Variants in ATG2B observed in about 807,000 individuals in gnomAD.
ATG2B encodes autophagy-related protein 2 homolog B.
A neutral mutation model predicts 241.3 loss-of-function variants in ATG2B; 121 were observed. The observed-to-expected ratio is 0.50, with a 90% confidence interval of 0.43 to 0.58. ATG2B has a LOEUF of 0.58. Among genes scored for constraint, ATG2B ranks in the 20% least tolerant of loss-of-function variants. ATG2B has a pLI of 0.00. For missense variants in ATG2B, 2,306 were observed against 2,491.6 expected, an observed-to-expected ratio of 0.93 and a Z score of 1.59; for synonymous variants, 858 against 876.6, an observed-to-expected ratio of 0.98 and a Z score of 0.37.
chr14:96,341,884 G>C (rs1033348772), intron 5 of ATG2B, among the ~76,000 whole-genome samples, 183 bp from the exon 6 acceptor site: 4 of 152,086 alleles, frequency 2.6e-5, no homozygotes, highest in African/African-American at 9.7e-5. Context: ...TGTTAGCACA[G>C]TCCACTGGTA....
chr14:96,309,569 G>A lies in ATG2B; in HGVS notation c.4187C>T (p.Ser1396Leu), dbSNP rs980355767. The change falls in exon 29 of 42, where the codon TCA (serine) becomes TTA (leucine). Residue 1396 changes from serine (S) to leucine (L), a missense_variant. Ser to Leu is a moderately radical substitution (Grantham distance 145). Transcript: ENST00000359933. ...TGCTTCAGGAAGTACTGGACCACGT[G>A]AGGATGATCGACCACTGGAATCTAC... is the stretch of plus-strand genomic sequence containing the variant. ...SKVDSSGRSS[S>L]RGPVLPEADQ... is the part of the protein sequence containing the mutation. 1.2e-6 allele frequency: 2 copies of A among 1,613,528 alleles called. No individual in the cohort carries two copies. Among genetic ancestry groups the A allele is most frequent in the Non-Finnish European group, 1.7e-6 (2 of 1,179,742 alleles).
At chr14:96,287,704 T>C (rs1485067682) in intron 41 of ATG2B, among the ~76,000 whole-genome samples, 2 of 152,160 alleles carry the variant, frequency 1.3e-5, no homozygotes, top group Admixed American at 6.5e-5. Flanking sequence ...TACCACCAAA[T>C]AGAACTATGT....
chr14:96,341,706 A>G lies in ATG2B; in HGVS notation c.745-5T>C. 1.3e-6 allele frequency: 2 copies of G among 1,522,520 alleles called. No individual in the cohort carries two copies. The highest frequency in any genetic ancestry group is 1.8e-6 in the Non-Finnish European group (2 of 1,134,668). 94.3% of individuals were successfully genotyped at this position (1,522,520 alleles called of 1,614,324 possible). A position where few individuals can be genotyped will look rare whatever the true frequency, so the allele number is the denominator to read the frequency against. ...TGAGAGCTTTGGCTCAGTTTCCTAC[A>G]ATAAAGTGACAAAAATAATTATTTA... On this transcript the variant is annotated splice_region_variant and splice_polypyrimidine_tract_variant and intron_variant, in intron 5 of 41. Transcript: ENST00000359933.
intron 10 of ATG2B, 151 bp from the exon 11 acceptor site, chr14:96,331,788 T>G (rs1470651832): frequency 3.0e-6 from 2 of 666,002 alleles, no homozygotes; most frequent in Non-Finnish European, 4.9e-6. Flanking sequence ...TAAAATCAAC[T>G]GCTATCTTGC....
Position 96,309,478 on chromosome 14 carries a change from G to A in ATG2B, c.4278C>T (p.Thr1426=). 9.3e-6 allele frequency: 15 copies of A among 1,613,844 alleles called. No individual in the cohort carries two copies. The highest frequency in any genetic ancestry group is 1.3e-5 in the Non-Finnish European group (15 of 1,179,856). ...AMEEIDMQQG[T]SSVKPQANGV... is the part of the protein sequence containing the mutation. Reference sequence around the variant, plus strand: ...CATTAGCCTGTGGTTTTACTGACGAGGTGCCTTGTTGCATGTCGATCTCCT... The same window carrying A: ...CATTAGCCTGTGGTTTTACTGACGAAGTGCCTTGTTGCATGTCGATCTCCT... Residue 1426 remains threonine, a synonymous_variant, in exon 29 of 42, where the codon ACC becomes ACT. Coordinates refer to ENST00000359933, the MANE Select transcript of ATG2B (RefSeq NM_018036.7).
chr14:96,358,914 T>A (rs1888551226), intron 1 of ATG2B, among the ~76,000 whole-genome samples: 1 of 152,180 alleles, frequency 6.6e-6, no homozygotes, highest in African/African-American at 2.4e-5. Context: ...TCAATTATCA[T>A]CAATGAGTTT....
chr14:96,308,243 T>C (rs1327103321), intron 29 of ATG2B, among the ~76,000 whole-genome samples: 2 of 21,238 alleles, frequency 9.4e-5, no homozygotes, highest in African/African-American at 4.1e-4. Flanking sequence ...TATATATATA[T>C]ATATATATAC....
intron 6 of ATG2B, among the ~76,000 whole-genome samples, chr14:96,336,151 C>T (rs976062198): frequency 4.3e-5 from 6 of 140,788 alleles, no homozygotes; most frequent in Non-Finnish European, 6.1e-5. Context: ...ATTCAGAGAA[C>T]TTAAAAAAAA....
At position 96,303,247 on chromosome 14, in the gene ATG2B, A is replaced by G; in HGVS notation, c.4851T>C (p.Phe1617=). 1 of 1,570,092 alleles carries G rather than the reference A, an allele frequency of 6.4e-7. No individual in the cohort carries two copies. Among genetic ancestry groups the G allele is most frequent in the Non-Finnish European group, 8.7e-7 (1 of 1,155,960 alleles). The change falls in exon 33 of 42, where the codon TTT becomes TTC. Residue 1617 remains phenylalanine (F), a synonymous_variant. Coordinates refer to ENST00000359933, the MANE Select transcript of ATG2B (RefSeq NM_018036.7). ...LMEIQLSKVK[F]QHEVYPPCKP... is the part of the protein sequence containing the mutation. ...TGCATGGCGGGTAGACTTCATGCTG[A>G]AACTTCACCTTAACGGGTAAGGAGG...
In ATG2B at chr14:96,303,248, A is replaced by T; in HGVS notation, c.4850T>A (p.Phe1617Tyr). The change falls in exon 33 of 42, where the codon TTT becomes TAT. Residue 1617 changes from phenylalanine to tyrosine, a missense_variant. Physicochemically the swap from Phe to Tyr is conservative, Grantham distance 22 (BLOSUM62 3). This residue lies in a region of ATG2B where 1,927 missense variants were observed against 2,011.2 expected (regional missense o/e 0.96). Transcript: ENST00000359933. Reference protein sequence around the residue: ...LMEIQLSKVKFQHEVYPPCKP... With the variant: ...LMEIQLSKVKYQHEVYPPCKP... The stretch of plus-strand genomic sequence containing the variant: ...GCATGGCGGGTAGACTTCATGCTGA[A>T]ACTTCACCTTAACGGGTAAGGAGGA... 6.4e-7 allele frequency: 1 copy of T among 1,567,678 alleles called. No individual in the cohort carries two copies. The highest frequency in any genetic ancestry group is 8.7e-7 in the Non-Finnish European group (1 of 1,154,220).
chr14:96,351,735 CA>C (rs547639757), intron 1 of ATG2B, among the ~76,000 whole-genome samples: 44,183 of 122,400 alleles, frequency 0.36, 7,314 homozygotes, highest in African/African-American at 0.48. Context: ...GACTCCGTCT[CA>C]AAAAAAAAAA....
chr14:96,310,379 C>G (rs1887116937), intron 28 of ATG2B, among the ~76,000 whole-genome samples: 1 of 152,076 alleles, frequency 6.6e-6, no homozygotes, highest in African/African-American at 2.4e-5. Flanking sequence ...GAGTACATAA[C>G]AGAGGCTCTA....
chr14:96,327,406 T>C (rs550100432), intron 14 of ATG2B, among the ~76,000 whole-genome samples: 1 of 152,310 alleles, frequency 6.6e-6, no homozygotes, highest in East Asian at 1.9e-4. Flanking sequence ...CCTAACAGAC[T>C]TCTTGCAAAC....
intron 1 of ATG2B, among the ~76,000 whole-genome samples, chr14:96,358,775 T>C (rs2139913771): frequency 6.6e-6 from 1 of 152,002 alleles, no homozygotes; most frequent in East Asian, 1.9e-4. Context: ...TTTTTTTTAG[T>C]CACCACTATG....
chr14:96,302,195 C>G, intron 33 of ATG2B, 87 bp from the exon 34 acceptor site: 1 of 794,316 alleles, frequency 1.3e-6, no homozygotes, highest in Non-Finnish European at 2.1e-6. Context: ...AAGAAAAATT[C>G]CTATTCCTAT....
intron 1 of ATG2B, among the ~76,000 whole-genome samples, chr14:96,352,789 A>G (rs1888364466): frequency 1.3e-5 from 2 of 150,742 alleles, no homozygotes; most frequent in South Asian, 4.2e-4. Context: ...TTAACTTATT[A>G]TTGAAAAAAA....
intron 28 of ATG2B, 35 bp downstream of exon 28, chr14:96,311,082 G>A: frequency 6.4e-7 from 1 of 1,554,320 alleles, no homozygotes; most frequent in Non-Finnish European, 8.7e-7. Context: ...GTCACGACAT[G>A]GCAGGGACTG....
chr14:96,356,922 A>G (rs1888490555), intron 1 of ATG2B, among the ~76,000 whole-genome samples: 1 of 152,192 alleles, frequency 6.6e-6, no homozygotes, highest in African/African-American at 2.4e-5. Context: ...ACAGTACAGT[A>G]TATAGAGATG....
At chr14:96,353,975 A>G (rs1384322111) in intron 1 of ATG2B, among the ~76,000 whole-genome samples, 2 of 152,210 alleles carry the variant, frequency 1.3e-5, no homozygotes, top group Non-Finnish European at 2.9e-5. Context: ...GAAAAAAGTT[A>G]TATTTTAATA....
Sources: gnomAD v4.1 joint callset for allele counts (sites outside exome capture counted in the v4.1 genomes callset) on GRCh38, gnomAD v4.1.1 for gene constraint, gnomAD v4.1.1 regional missense constraint, MANE v1.5 for transcripts, NCBI Gene and HGNC (gene_info 2026-07-23, HGNC 2026-07-21) for gene names.